The following TENT2 variants were observed in gnomAD, a reference collection of about 807,000 sequenced individuals.
The protein encoded by TENT2 is poly(A) RNA polymerase GLD2.
TENT2 carries 44 observed loss-of-function variants against 72.2 expected under a neutral mutation model. The ratio of observed to expected loss-of-function variants is 0.61; its 90% CI spans 0.48 to 0.78. The LOEUF (loss-of-function observed/expected upper bound fraction) is 0.78, where lower values mean the gene tolerates loss of function less well. Among genes scored for constraint, TENT2 ranks in the 30% least tolerant of loss-of-function variants. The pLI is 0.00. For synonymous variants in TENT2, 212 were observed against 192.5 expected, an observed-to-expected ratio of 1.10 and a Z score of -0.84; for missense variants, 541 against 569.6, an observed-to-expected ratio of 0.95 and a Z score of 0.51.
chr5:79,684,990 G>A (rs1003901034), intron 14 of TENT2, among the ~76,000 whole-genome samples: 7 of 152,128 alleles, frequency 4.6e-5, no homozygotes, highest in African/African-American at 1.2e-4. Flanking sequence ...CCTGGAAAGC[G>A]GAGGTTGTAG....
chr5:79,618,402 A>ATT (rs60143301), intron 1 of TENT2, among the ~76,000 whole-genome samples: 197 of 145,494 alleles, frequency 1.4e-3, no homozygotes, highest in African/African-American at 4.7e-3. Flanking sequence ...AATTTTTTTG[A>ATT]TTTTTTTTTT....
chr5:79,666,362 A>T (rs1807928113), intron 11 of TENT2, among the ~76,000 whole-genome samples: 1 of 149,346 alleles, frequency 6.7e-6, no homozygotes, highest in South Asian at 2.1e-4. Flanking sequence ...AAAACTGGGG[A>T]TGTCTTTTCT....
At chr5:79,639,311 G>T (rs1303621290) in intron 4 of TENT2, among the ~76,000 whole-genome samples, 1 of 151,998 alleles carries the variant, frequency 6.6e-6, no homozygotes, top group African/African-American at 2.4e-5. Flanking sequence ...ATTTTGGAAT[G>T]GTATGAAAAA....
chr5:79,640,812 C>T (rs1783881573), intron 4 of TENT2, 39 bp from the exon 5 acceptor site: 1 of 1,364,016 alleles, frequency 7.3e-7, no homozygotes, highest in African/African-American at 1.5e-5. Context: ...TTTTACATTG[C>T]TGAACAAAAC....
At chr5:79,658,209 C>T (rs1799292749) in intron 11 of TENT2, among the ~76,000 whole-genome samples, 2 of 151,958 alleles carry the variant, frequency 1.3e-5, no homozygotes, top group South Asian at 4.2e-4. Context: ...CTAGTTTCTG[C>T]TATTATGAAG....
intron 10 of TENT2, chr5:79,656,751 A>G: frequency 2.1e-6 from 1 of 486,180 alleles, no homozygotes; most frequent in South Asian, 2.9e-5. Context: ...GGATATATGT[A>G]GTTTATTAAT....
At chr5:79,651,633 A>ACCTTT (rs1794155049) in intron 10 of TENT2, among the ~76,000 whole-genome samples, 1 of 151,948 alleles carries the variant, frequency 6.6e-6, no homozygotes, top group Non-Finnish European at 1.5e-5. Flanking sequence ...CAGCTTAGTA[A>ACCTTT]CCTTTCCTCT....
chr5:79,658,992 TA>T (rs35659495), intron 11 of TENT2, among the ~76,000 whole-genome samples: 1 of 152,126 alleles, frequency 6.6e-6, no homozygotes, highest in Non-Finnish European at 1.5e-5. Flanking sequence ...CCCAAGGCCT[TA>T]AAAAATACTA....
intron 1 of TENT2, among the ~76,000 whole-genome samples, chr5:79,615,407 C>T (rs765584118): frequency 7.2e-5 from 11 of 152,076 alleles, no homozygotes; most frequent in East Asian, 1.9e-4. Context: ...TGCTATGAAC[C>T]GATTTAAATA....
chr5:79,638,909 G>A (rs183217347), intron 4 of TENT2, among the ~76,000 whole-genome samples: 1 of 152,162 alleles, frequency 6.6e-6, no homozygotes. Flanking sequence ...TGCCCAGAAT[G>A]CCTCTGCCTT....
At chr5:79,669,696 A>G (rs1473151072) in intron 12 of TENT2, among the ~76,000 whole-genome samples, 3 of 152,104 alleles carry the variant, frequency 2.0e-5, no homozygotes, top group African/African-American at 7.2e-5. Context: ...TACAGTTACC[A>G]TTGGATACCA....
intron 12 of TENT2, 134 bp downstream of exon 12, chr5:79,669,162 TA>T (rs1810908660): frequency 1.8e-6 from 2 of 1,114,150 alleles, no homozygotes; most frequent in Middle Eastern, 3.1e-4. Flanking sequence ...TCCAGTGTTG[TA>T]AAGTTGTCCA....
At chr5:79,638,236 G>T (rs534902149) in intron 4 of TENT2, among the ~76,000 whole-genome samples, 19 of 152,158 alleles carry the variant, frequency 1.2e-4, no homozygotes, top group Admixed American at 3.9e-4. Flanking sequence ...TGCTGTGGTA[G>T]AGTTGTCCTC....
In TENT2 at chr5:79,648,499, C is replaced by G. The variant is rs574275378; in HGVS notation, c.822-118C>G. 150 of 673,892 alleles carry G rather than the reference C, an allele frequency of 2.2e-4. No homozygotes were observed. The African/African-American group carries it at 2.4e-3, about 11-fold the overall frequency. The allele number at this position is 673,892 out of a possible 1,614,324, so 41.7% of individuals were successfully genotyped here. A position where few individuals can be genotyped will look rare whatever the true frequency, so the allele number is the denominator to read the frequency against. Reference sequence around the variant, plus strand: ...CATTTTAAAAACACAGATCTATGGCCTTTGGGCCCATACTATTTTGCATCA... The same window carrying G: ...CATTTTAAAAACACAGATCTATGGCGTTTGGGCCCATACTATTTTGCATCA... On this transcript the variant is annotated intron_variant, in intron 8 of 14. Transcript: ENST00000453514.
At chr5:79,616,806 A>G (rs899719644) in intron 1 of TENT2, among the ~76,000 whole-genome samples, 1 of 152,202 alleles carries the variant, frequency 6.6e-6, no homozygotes. Flanking sequence ...TCTGGAGGTT[A>G]ACCTTGTCTC....
At chr5:79,618,099 C>A (rs1477581318) in intron 1 of TENT2, among the ~76,000 whole-genome samples, 3 of 152,074 alleles carry the variant, frequency 2.0e-5, no homozygotes, top group Non-Finnish European at 4.4e-5. Flanking sequence ...GTTTTCTCTT[C>A]TGTTGTCTTG....
intron 4 of TENT2, among the ~76,000 whole-genome samples, chr5:79,632,261 T>G (rs1210192993): frequency 6.6e-6 from 1 of 152,220 alleles, no homozygotes; most frequent in Non-Finnish European, 1.5e-5. Flanking sequence ...TTTTAACTAC[T>G]TTGAGGATAA....
intron 4 of TENT2, among the ~76,000 whole-genome samples, chr5:79,638,256 G>C (rs573038932): frequency 1.3e-5 from 2 of 151,988 alleles, no homozygotes; most frequent in African/African-American, 2.4e-5. Flanking sequence ...CTGCATTGTA[G>C]GATGTTCGGT....
intron 4 of TENT2, among the ~76,000 whole-genome samples, chr5:79,633,761 C>T (rs185731484): frequency 8.7e-4 from 130 of 149,364 alleles, no homozygotes; most frequent in African/African-American, 3.0e-3. Flanking sequence ...TACTCAAGGG[C>T]CCAGCTATCA....
Sources: allele counts gnomAD v4.1 joint callset (sites outside exome capture counted in the v4.1 genomes callset), GRCh38; gene constraint gnomAD v4.1.1; transcripts MANE v1.5; gene names NCBI Gene and HGNC (gene_info 2026-07-23, HGNC 2026-07-21).